MALRD1: variants seen among roughly 807,000 people sequenced by gnomAD.
The protein encoded by MALRD1 is MAM and LDL-receptor class A domain-containing protein 1.
Under a neutral mutation model 242.1 loss-of-function variants are expected in MALRD1, and 247 were observed. That is an observed-to-expected ratio of 1.02 (90% CI 0.92 to 1.13). MALRD1 has a LOEUF of 1.13. Ranked by LOEUF, MALRD1 falls within the 50% of genes most tolerant of loss-of-function variation. The pLI, the probability that MALRD1 is intolerant of heterozygous loss-of-function variation, is 0.00. For synonymous variants in MALRD1, 995 were observed against 866.6 expected (o/e 1.15, Z -2.60); for missense variants, 2,989 against 2,533.1 (o/e 1.18, Z -3.86).
chr10:19,575,855 A>G (rs1836793670), intron 33 of MALRD1, among the ~76,000 whole-genome samples: 2 of 152,176 alleles, frequency 1.3e-5, no homozygotes, highest in South Asian at 4.1e-4. Context: ...GAATCTCTGT[A>G]ACGGCCACAT....
chr10:19,088,175 A>G lies in MALRD1; in HGVS notation c.587A>G (p.Gln196Arg). 5 of 1,233,320 alleles carry G rather than the reference A, an allele frequency of 4.1e-6. No homozygotes were observed. Among genetic ancestry groups the G allele is most frequent in the Non-Finnish European group, 5.1e-6 (5 of 987,708 alleles). The allele number at this position is 1,233,320 out of a possible 1,614,324, so 76.4% of individuals were successfully genotyped here. ...AATGTCATCAAAATCCAGAGTTCAC[A>G]GAGATTTCAGGTATGTGTGTTCTAT... ...ERNVIKIQSS[Q>R]RFQVVFEGQM... Residue 196 changes from glutamine to arginine, a missense_variant, in exon 4 of 40, where the codon CAG becomes CGG. By Grantham distance (43) the Gln-to-Arg change is conservative. Coordinates refer to ENST00000454679, the MANE Select transcript of MALRD1 (RefSeq NM_001142308.3).
intron 12 of MALRD1, among the ~76,000 whole-genome samples, chr10:19,156,845 A>G (rs183993952): frequency 6.6e-6 from 1 of 152,242 alleles, no homozygotes; most frequent in Admixed American, 6.5e-5. Flanking sequence ...TTAAATTGGT[A>G]ACTTAGTTGG....
intron 38 of MALRD1, among the ~76,000 whole-genome samples, chr10:19,726,005 A>G (rs114016998): frequency 1.1e-3 from 171 of 152,300 alleles, no homozygotes; most frequent in African/African-American, 4.0e-3. Flanking sequence ...AAAAGAAAAC[A>G]TAGTGGTAAA....
intron 30 of MALRD1, among the ~76,000 whole-genome samples, chr10:19,495,479 G>T (rs948060339): frequency 6.8e-6 from 1 of 147,808 alleles, no homozygotes; most frequent in African/African-American, 2.5e-5. Flanking sequence ...CTACAACCAA[G>T]AATTTCACAT....
intron 24 of MALRD1, among the ~76,000 whole-genome samples, chr10:19,335,322 C>T (rs908368003): frequency 1.3e-5 from 2 of 151,398 alleles, no homozygotes; most frequent in South Asian, 4.2e-4. Context: ...ACAAACAAAT[C>T]AGAATAAACC....
chr10:19,385,228 T>G (rs2130799652), intron 26 of MALRD1, among the ~76,000 whole-genome samples: 1 of 152,162 alleles, frequency 6.6e-6, no homozygotes, highest in Admixed American at 6.6e-5. Context: ...TTTCTCCTTT[T>G]GTAGTGTTTG....
At chr10:19,331,042 T>A (rs1209171992) in intron 23 of MALRD1, among the ~76,000 whole-genome samples, 1 of 152,060 alleles carries the variant, frequency 6.6e-6, no homozygotes, top group Non-Finnish European at 1.5e-5. Context: ...AAAACAGGAG[T>A]AGGTCTTGTT....
At chr10:19,388,215 T>C (rs1846168666) in intron 27 of MALRD1, among the ~76,000 whole-genome samples, 1 of 152,188 alleles carries the variant, frequency 6.6e-6, no homozygotes, top group African/African-American at 2.4e-5. Flanking sequence ...ATTGGATTAG[T>C]GTCCATCCTA....
intron 1 of MALRD1, among the ~76,000 whole-genome samples, chr10:19,052,947 A>G (rs1049379391): frequency 2.0e-5 from 3 of 152,060 alleles, no homozygotes; most frequent in East Asian, 1.9e-4. Flanking sequence ...AACACCTTCT[A>G]TGATACTTCC....
At chr10:19,501,679 A>C (rs1388390974) in intron 31 of MALRD1, among the ~76,000 whole-genome samples, 1 of 152,200 alleles carries the variant, frequency 6.6e-6, no homozygotes, top group Non-Finnish European at 1.5e-5. Flanking sequence ...CTTGTTTATT[A>C]ACATAGATTA....
chr10:19,342,901 C>T (rs1198102688), intron 24 of MALRD1, among the ~76,000 whole-genome samples: 4 of 151,904 alleles, frequency 2.6e-5, no homozygotes, highest in South Asian at 4.2e-4. Flanking sequence ...AAAATCAGGT[C>T]GTTGACAGAG....
At chr10:19,421,902 GT>G (rs1212227010) in intron 28 of MALRD1, among the ~76,000 whole-genome samples, 1 of 152,216 alleles carries the variant, frequency 6.6e-6, no homozygotes, top group Non-Finnish European at 1.5e-5. Flanking sequence ...AAGTGAGTGT[GT>G]TTGTGCCAAG....
intron 21 of MALRD1, among the ~76,000 whole-genome samples, chr10:19,312,427 T>TGAGA (rs1333466573): frequency 5.4e-5 from 8 of 147,140 alleles, no homozygotes; most frequent in African/African-American, 2.0e-4. Context: ...TGTGTGTGTG[T>TGAGA]GAGAGAGAGA....
At chr10:19,147,557 A>G (rs1283947140) in intron 11 of MALRD1, among the ~76,000 whole-genome samples, 1 of 152,208 alleles carries the variant, frequency 6.6e-6, no homozygotes, top group Non-Finnish European at 1.5e-5. Flanking sequence ...AACTCATATA[A>G]TATTTTACTT....
chr10:19,595,609 C>G (rs935502948), intron 34 of MALRD1, among the ~76,000 whole-genome samples, 152 bp downstream of exon 34: 7 of 152,300 alleles, frequency 4.6e-5, no homozygotes, highest in Admixed American at 4.6e-4. Context: ...CAAAACAAGG[C>G]ATCTGTCCTT....
At chr10:19,693,142 G>A (rs1355605611) in intron 38 of MALRD1, among the ~76,000 whole-genome samples, 1 of 151,860 alleles carries the variant, frequency 6.6e-6, no homozygotes, top group Non-Finnish European at 1.5e-5. Flanking sequence ...AAAGCTGGAA[G>A]CATTCCCTTT....
At chr10:19,357,176 T>C (rs1844677225) in intron 26 of MALRD1, among the ~76,000 whole-genome samples, 1 of 151,908 alleles carries the variant, frequency 6.6e-6, no homozygotes. Flanking sequence ...ACAGGCACCA[T>C]GTTCTAGTGG....
At chr10:19,140,537 GTGTGTA>G (rs1413046640) in intron 10 of MALRD1, among the ~76,000 whole-genome samples, 69 of 107,870 alleles carry the variant, frequency 6.4e-4, no homozygotes, top group African/African-American at 1.6e-3. Context: ...GTGTGTGTGT[GTGTGTA>G]TGTGTGTGTG....
chr10:19,240,741 A>G (rs892238897), intron 18 of MALRD1, among the ~76,000 whole-genome samples: 1 of 152,092 alleles, frequency 6.6e-6, no homozygotes, highest in Non-Finnish European at 1.5e-5. Flanking sequence ...GTACACTCCT[A>G]TACCTACTTT....
Sources: gnomAD v4.1 joint callset for allele counts (sites outside exome capture counted in the v4.1 genomes callset) on GRCh38, gnomAD v4.1.1 for gene constraint, MANE v1.5 for transcripts, NCBI Gene and HGNC (gene_info 2026-07-23, HGNC 2026-07-21) for gene names.